Variants in CDK15 observed in about 807,000 individuals in gnomAD.
CDK15 encodes cyclin-dependent kinase 15.
A neutral mutation model predicts 60.3 loss-of-function variants in CDK15; 62 were observed. The ratio of observed to expected loss-of-function variants is 1.03; its 90% CI spans 0.84 to 1.27. The LOEUF is 1.27. Ranked by LOEUF, CDK15 falls within the 50% of genes most tolerant of loss-of-function variation. CDK15 has a pLI of 0.00. For missense variants in CDK15, 541 were observed against 527.8 expected (o/e 1.03, Z -0.25); for synonymous variants, 194 against 195.7 (o/e 0.99, Z 0.07).
Position 201,894,969 on chromosome 2 carries a change from CT to C in CDK15, c.*1706del, listed in dbSNP as rs1217973436. Reference sequence around the variant, plus strand: ...GGCTATGACTTAGTGGAAATTGGCACTTTTAAGTACAATATGAATTAATAGT... The same window carrying C: ...GGCTATGACTTAGTGGAAATTGGCACTTTAAGTACAATATGAATTAATAGT... On this transcript the variant is annotated 3_prime_UTR_variant, in exon 14 of 14. Transcript: ENST00000652192. 1 of 152,198 alleles carries C rather than the reference CT, an allele frequency of 6.6e-6. No individual in the cohort carries two copies. Among genetic ancestry groups the C allele is most frequent in the Non-Finnish European group, 1.5e-5 (1 of 68,044 alleles). 9.4% of individuals were successfully genotyped at this position (152,198 alleles called of 1,614,324 possible). A position where few individuals can be genotyped will look rare whatever the true frequency, so the allele number is the denominator to read the frequency against.
intron 3 of CDK15, 64 bp downstream of exon 3, chr2:201,808,016 A>G: frequency 7.1e-7 from 1 of 1,406,802 alleles, no homozygotes; most frequent in Non-Finnish European, 9.9e-7. Flanking sequence ...ATTTCATATT[A>G]TAAAGCCAGG....
At chr2:201,855,406 T>C (rs978285601) in intron 10 of CDK15, among the ~76,000 whole-genome samples, 1 of 152,220 alleles carries the variant, frequency 6.6e-6, no homozygotes, top group African/African-American at 2.4e-5. Context: ...TAAGAGTTCA[T>C]TCATTGCCTG....
intron 11 of CDK15, among the ~76,000 whole-genome samples, chr2:201,872,672 G>C (rs763693201): frequency 1.3e-5 from 2 of 151,302 alleles, no homozygotes; most frequent in Non-Finnish European, 2.9e-5. Context: ...CTATTGGAGG[G>C]GGGGCAACTT....
At chr2:201,809,721 C>T (rs193062289) in intron 3 of CDK15, among the ~76,000 whole-genome samples, 291 of 152,128 alleles carry the variant, frequency 1.9e-3, no homozygotes, top group Non-Finnish European at 3.4e-3. Context: ...CTATAGAATC[C>T]CTACCCTCCA....
At position 201,837,047 on chromosome 2, in the gene CDK15, G is replaced by A. The variant is rs532799685; in HGVS notation, c.851+1284G>A. Among the ~76,000 whole-genome samples, 117 of 152,108 alleles carry A rather than the reference G, an allele frequency of 7.7e-4. 1 individual carries two copies. The highest frequency in any genetic ancestry group is 3.9e-4 in the East Asian group (2 of 5,128). ...GCCGTCTCATGCCTGTAATCACAGC[G>A]CTTTGGGAGACCAAGGCTGGAGGAT... On this transcript the variant is annotated intron_variant, in intron 8 of 13. Coordinates refer to ENST00000652192, the MANE Select transcript of CDK15 (RefSeq NM_001366386.2).
At chr2:201,883,612 C>A (rs1332066318) in intron 12 of CDK15, among the ~76,000 whole-genome samples, 1 of 152,220 alleles carries the variant, frequency 6.6e-6, no homozygotes. Flanking sequence ...CAAGTTCTGA[C>A]ATTTTCCCTT....
intron 10 of CDK15, among the ~76,000 whole-genome samples, chr2:201,862,597 C>CTT (rs1698444755): frequency 6.6e-6 from 1 of 152,276 alleles, no homozygotes; most frequent in Admixed American, 6.5e-5. Flanking sequence ...GAGCTAGACA[C>CTT]TTTACATATT....
At chr2:201,809,725 C>T (rs1373775566) in intron 3 of CDK15, among the ~76,000 whole-genome samples, 1 of 152,088 alleles carries the variant, frequency 6.6e-6, no homozygotes, top group Non-Finnish European at 1.5e-5. Flanking sequence ...AGAATCCCTA[C>T]CCTCCATTCC....
At chr2:201,834,587 C>A (rs1696925707) in intron 7 of CDK15, among the ~76,000 whole-genome samples, 1 of 152,192 alleles carries the variant, frequency 6.6e-6, no homozygotes. Flanking sequence ...CACCCCCACA[C>A]ACAAATATAT....
intron 11 of CDK15, among the ~76,000 whole-genome samples, chr2:201,872,653 A>C (rs1306017713): frequency 6.7e-6 from 1 of 149,400 alleles, no homozygotes; most frequent in Non-Finnish European, 1.5e-5. Flanking sequence ...AAATAACATC[A>C]TTGAGTGGCT....
At chr2:201,839,916 G>A (rs1185044525) in intron 8 of CDK15, among the ~76,000 whole-genome samples, 2 of 151,964 alleles carry the variant, frequency 1.3e-5, no homozygotes, top group East Asian at 1.9e-4. Flanking sequence ...TTCTTCATGT[G>A]TGTTTGAGAA....
chr2:201,878,072 G>A (rs1243853245), intron 11 of CDK15, among the ~76,000 whole-genome samples: 3 of 152,142 alleles, frequency 2.0e-5, no homozygotes, highest in Non-Finnish European at 4.4e-5. Context: ...ATTTACTGTG[G>A]TGTCTCATGG....
intron 10 of CDK15, among the ~76,000 whole-genome samples, chr2:201,869,978 A>G (rs1022554935): frequency 5.3e-5 from 8 of 152,224 alleles, no homozygotes; most frequent in African/African-American, 1.4e-4. Context: ...CTGAACAGAG[A>G]GTAAATAACC....
intron 11 of CDK15, among the ~76,000 whole-genome samples, chr2:201,875,306 G>A (rs954009166): frequency 3.3e-5 from 5 of 152,188 alleles, no homozygotes; most frequent in Admixed American, 1.3e-4. Context: ...TGCCCACAGG[G>A]ATGAGCACGC....
At chr2:201,813,172 AGTT>A (rs758098135) in intron 4 of CDK15, among the ~76,000 whole-genome samples, 82 of 152,284 alleles carry the variant, frequency 5.4e-4, no homozygotes, top group Non-Finnish European at 6.5e-4. Context: ...TATTTCATGG[AGTT>A]GTTATGAGTA....
intron 6 of CDK15, among the ~76,000 whole-genome samples, chr2:201,828,185 G>A (rs1277165780): frequency 6.6e-6 from 1 of 152,210 alleles, no homozygotes; most frequent in Non-Finnish European, 1.5e-5. Flanking sequence ...GGTCCCAGGT[G>A]AGACAGGATC....
intron 10 of CDK15, chr2:201,861,272 A>G (rs2105799053): frequency 1.0e-6 from 1 of 995,764 alleles, no homozygotes; most frequent in Middle Eastern, 5.1e-4. Context: ...TGCTAATCCT[A>G]TTACTGCCTG....
chr2:201,888,093 G>C (rs1292802565), intron 12 of CDK15, among the ~76,000 whole-genome samples: 2 of 147,808 alleles, frequency 1.4e-5, no homozygotes, highest in African/African-American at 5.0e-5. Flanking sequence ...AAGTAAAAGA[G>C]ATTTGATTAT....
At position 201,881,274 on chromosome 2, in the gene CDK15, A is replaced by C. The variant is rs1333216757; in HGVS notation, c.1198+1107A>C. On this transcript the variant is annotated intron_variant, in intron 12 of 13. Transcript: ENST00000652192. The stretch of plus-strand genomic sequence containing the variant: ...GGCATTCTGTTTTATGACTAAAGTG[A>C]GTCATTTAGGATCTCCAAAAATAAC... 2.6e-5 allele frequency among the ~76,000 whole-genome samples: 4 copies of C among 152,326 alleles called. No individual in the cohort carries two copies. In the East Asian group the frequency reaches 7.7e-4, roughly 29 times the overall value.
Sources: allele counts gnomAD v4.1 joint callset (sites outside exome capture counted in the v4.1 genomes callset), GRCh38; gene constraint gnomAD v4.1.1; transcripts MANE v1.5; gene names NCBI Gene and HGNC (gene_info 2026-07-23, HGNC 2026-07-21).